Variants in DTHD1 observed in about 807,000 individuals in gnomAD.
DTHD1 encodes the protein death domain-containing protein 1.
In DTHD1, 59 loss-of-function variants were observed where a neutral mutation model predicts 74.8. The ratio of observed to expected loss-of-function variants is 0.79; its 90% confidence interval spans 0.64 to 0.98. The LOEUF is 0.98. DTHD1 is among the 50% of genes least tolerant of loss of function. The pLI, the probability that DTHD1 is intolerant of heterozygous loss-of-function variation, is 0.00. For missense variants in DTHD1, 1,051 were observed against 1,065.4 expected, an observed-to-expected ratio of 0.99 and a Z score of 0.19; for synonymous variants, 365 against 371.1, an observed-to-expected ratio of 0.98 and a Z score of 0.19.
chr4:36,308,972 C>T (rs1757221494), intron 7 of DTHD1, among the ~76,000 whole-genome samples: 1 of 143,042 alleles, frequency 7.0e-6, no homozygotes, highest in Non-Finnish European at 1.5e-5. Context: ...AAGAATCTAA[C>T]CTGGGGGTCA....
In DTHD1 at chr4:36,306,277, G is replaced by GGT. The variant is rs1423446257; in HGVS notation, c.1734_1735dup (p.Gly579ValfsTer7). On this transcript the variant is annotated frameshift_variant, in exon 6 of 10. Coordinates refer to ENST00000639862, the MANE Select transcript of DTHD1 (RefSeq NM_001170700.3). LOFTEE classifies it high-confidence loss of function. ...GGATTCAGAAGCCAAGACAGTGGTTGGTGTGGGCTTGATGATGTTGTGAAA... is the reference window on the plus strand; with the variant it reads ...GGATTCAGAAGCCAAGACAGTGGTTGGTGTGTGGGCTTGATGATGTTGTGAAA... The GGT allele has an allele frequency of 6.4e-7, 1 of 1,551,748 alleles. No homozygotes were observed. The highest frequency in any genetic ancestry group is 1.4e-5 in the African/African-American group (1 of 73,172).
chr4:36,283,982 T>C lies in DTHD1; in HGVS notation c.278T>C (p.Ile93Thr). The C allele has an allele frequency of 1.3e-6, 2 of 1,530,408 alleles. No homozygotes were observed. Among genetic ancestry groups the C allele is most frequent in the South Asian group, 2.4e-5 (2 of 83,800 alleles). 94.8% of individuals were successfully genotyped at this position (1,530,408 alleles called of 1,614,324 possible). ...TCCATGTATGTGTGTGTAGAAATCA[T>C]TACTTTCATAGACTGCCTCATAAAA... ...ENQCVSRKEI[I>T]TFIDCLIKIT... Residue 93 changes from isoleucine (I) to threonine (T), a missense_variant, in exon 2 of 10, where the codon ATT becomes ACT. Ile to Thr is a moderately conservative substitution (Grantham distance 89). Coordinates refer to ENST00000639862, the MANE Select transcript of DTHD1 (RefSeq NM_001170700.3).
Position 36,345,227 on chromosome 4 carries a change from G to GA in DTHD1, c.*1409dup, listed in dbSNP as rs1374079925. 1 of 152,008 alleles carries GA rather than the reference G, an allele frequency of 6.6e-6. No individual in the cohort carries two copies. Among genetic ancestry groups the GA allele is most frequent in the Non-Finnish European group, 1.5e-5 (1 of 67,984 alleles). The allele number at this position is 152,008 out of a possible 1,614,324, so 9.4% of individuals were successfully genotyped here. On this transcript the variant is annotated 3_prime_UTR_variant, in exon 10 of 10. Transcript: ENST00000639862. ...CTGTAAATAGAACATTAAAATGAAA[G>GA]AAAAAATTAAAACTTATCTAAACCC...
At chr4:36,312,301 G>T (rs1757453144) in intron 7 of DTHD1, among the ~76,000 whole-genome samples, 1 of 151,754 alleles carries the variant, frequency 6.6e-6, no homozygotes, top group African/African-American at 2.4e-5. Flanking sequence ...GCCCAGGGAA[G>T]TGATTTTTCT....
In DTHD1 at chr4:36,302,067, T is replaced by C. The variant is rs111900825; in HGVS notation, c.1644-4124T>C. ...TGCGGGGGCCCACTAAGGTACAGCG[T>C]CATCGGGAGCTCAAGCTCAGGGTGG... On this transcript the variant is annotated intron_variant, in intron 5 of 9. Transcript: ENST00000639862. Among the ~76,000 whole-genome samples, 1,138 of 152,280 alleles carry C rather than the reference T, an allele frequency of 7.5e-3. 18 individuals are homozygous for C. The highest frequency in any genetic ancestry group is 0.026 in the African/African-American group (1,076 of 41,552).
At chr4:36,316,037 G>A (rs1054503176) in intron 7 of DTHD1, among the ~76,000 whole-genome samples, 1 of 152,154 alleles carries the variant, frequency 6.6e-6, no homozygotes, top group African/African-American at 2.4e-5. Context: ...CTGGGTTCAC[G>A]CCATTCTCCT....
chr4:36,298,532 T>C (rs1460843900), intron 5 of DTHD1, among the ~76,000 whole-genome samples: 14 of 152,158 alleles, frequency 9.2e-5, no homozygotes, highest in Admixed American at 8.5e-4. Context: ...TTTAACATTC[T>C]TTAATCAAAG....
intron 7 of DTHD1, among the ~76,000 whole-genome samples, chr4:36,309,774 T>C (rs1757279014): frequency 6.6e-6 from 1 of 152,238 alleles, no homozygotes; most frequent in African/African-American, 2.4e-5. Flanking sequence ...AGAAATATCA[T>C]TGACTGACAA....
At chr4:36,307,410 A>G (rs1335330507) in intron 6 of DTHD1, among the ~76,000 whole-genome samples, 1 of 152,136 alleles carries the variant, frequency 6.6e-6, no homozygotes. Flanking sequence ...ATGCATTTCT[A>G]TGTGTTAAAA....
intron 1 of DTHD1, among the ~76,000 whole-genome samples, chr4:36,282,813 G>A (rs1384039077): frequency 1.3e-5 from 2 of 152,158 alleles, no homozygotes; most frequent in African/African-American, 4.8e-5. Context: ...GGGCATCAGG[G>A]AAATCTGTCT....
At chr4:36,283,199 T>C (rs1755497637) in intron 1 of DTHD1, among the ~76,000 whole-genome samples, 1 of 151,998 alleles carries the variant, frequency 6.6e-6, no homozygotes, top group Non-Finnish European at 1.5e-5. Flanking sequence ...ACCTCAGTAG[T>C]GAGGAGAAGC....
Position 36,288,298 on chromosome 4 carries a change from A to G in DTHD1, c.888-2075A>G, listed in dbSNP as rs536042286. 2.6e-5 allele frequency among the ~76,000 whole-genome samples: 4 copies of G among 152,174 alleles called. No homozygotes were observed. The East Asian group carries it at 7.7e-4, about 29-fold the overall frequency. Reference sequence around the variant, plus strand: ...TCTTTAGTAGAGACAGGATTTCACCATATTGTTCAGGCTGGTCTTGAATTC... The same window carrying G: ...TCTTTAGTAGAGACAGGATTTCACCGTATTGTTCAGGCTGGTCTTGAATTC... On this transcript the variant is annotated intron_variant, in intron 2 of 9. Coordinates refer to ENST00000639862, the MANE Select transcript of DTHD1 (RefSeq NM_001170700.3).
intron 9 of DTHD1, among the ~76,000 whole-genome samples, chr4:36,341,491 G>A (rs941425622): frequency 1.3e-5 from 2 of 152,178 alleles, no homozygotes; most frequent in Non-Finnish European, 2.9e-5. Context: ...ATGAGAGTGA[G>A]ATTGGGGCTA....
chr4:36,322,912 A>G (rs1311333041), intron 8 of DTHD1, among the ~76,000 whole-genome samples: 1 of 152,156 alleles, frequency 6.6e-6, no homozygotes, highest in African/African-American at 2.4e-5. Context: ...GGGAGTGGAG[A>G]GAATATTTTG....
chr4:36,346,685 G>A lies in DTHD1; in HGVS notation c.*2861G>A, dbSNP rs901357526. Among the ~76,000 whole-genome samples, 5 of 151,778 alleles carry A rather than the reference G, an allele frequency of 3.3e-5. No homozygotes were observed. The highest frequency in any genetic ancestry group is 7.4e-5 in the Non-Finnish European group (5 of 67,998). On this transcript the variant is annotated 3_prime_UTR_variant, in exon 10 of 10. Transcript: ENST00000639862. ...GGACCACATCAGAGATGCCTTGTTC[G>A]CTTTTGCTAATGCAAAGCCCCAGCA...
At position 36,293,454 on chromosome 4, in the gene DTHD1, CAT is replaced by C. The variant is rs1756201075; in HGVS notation, c.1219-70_1219-69del. 3 of 1,239,772 alleles carry C rather than the reference CAT, an allele frequency of 2.4e-6. No individual in the cohort carries two copies. The East Asian group carries it at 8.5e-5, about 35-fold the overall frequency. The allele number at this position is 1,239,772 out of a possible 1,614,324, so 76.8% of individuals were successfully genotyped here. ...GAGTGTATAGATTTTTTTGACAATCCATAGAGTCTATACAGCAAATATTTTTC... is the reference window on the plus strand; with the variant it reads ...GAGTGTATAGATTTTTTTGACAATCCAGAGTCTATACAGCAAATATTTTTC... On this transcript the variant is annotated intron_variant, in intron 3 of 9. Transcript: ENST00000639862.
At chr4:36,335,222 T>G (rs1453671581) in intron 8 of DTHD1, among the ~76,000 whole-genome samples, 1 of 151,934 alleles carries the variant, frequency 6.6e-6, no homozygotes, top group East Asian at 1.9e-4. Context: ...TGAATACAAA[T>G]TTTTGTTAAG....
intron 7 of DTHD1, among the ~76,000 whole-genome samples, chr4:36,312,088 G>A (rs1478336872): frequency 6.6e-6 from 1 of 152,078 alleles, no homozygotes; most frequent in African/African-American, 2.4e-5. Flanking sequence ...ACAAGCTACA[G>A]CAAGCTTTCA....
chr4:36,344,046 C>T lies in DTHD1; in HGVS notation c.*222C>T. 1.9e-6 allele frequency: 1 copy of T among 529,178 alleles called. No individual in the cohort carries two copies. The highest frequency in any genetic ancestry group is 3.3e-6 in the Non-Finnish European group (1 of 301,894). 32.8% of individuals were successfully genotyped at this position (529,178 alleles called of 1,614,324 possible). A position where few individuals can be genotyped will look rare whatever the true frequency, so the allele number is the denominator to read the frequency against. On this transcript the variant is annotated 3_prime_UTR_variant, in exon 10 of 10. Coordinates refer to ENST00000639862, the MANE Select transcript of DTHD1 (RefSeq NM_001170700.3). ...CTGGTTGAGTGATTATGTTTTGCAA[C>T]CATGACTGTCTTGAGTTTGGCCTCA... is the stretch of plus-strand genomic sequence containing the variant.
Sources: allele counts gnomAD v4.1 joint callset (sites outside exome capture counted in the v4.1 genomes callset), GRCh38; gene constraint gnomAD v4.1.1; transcripts MANE v1.5; gene names NCBI Gene and HGNC (gene_info 2026-07-23, HGNC 2026-07-21).